The following SLC25A13 variants were observed in gnomAD, a reference collection of about 807,000 sequenced individuals.
The protein encoded by SLC25A13 is solute carrier family 25 member 13, also known as electrogenic aspartate/glutamate antiporter SLC25A13, mitochondrial.
In SLC25A13, 70 loss-of-function variants were observed where a neutral mutation model predicts 85.5. The ratio of observed to expected loss-of-function variants is 0.82; its 90% CI spans 0.68 to 1.00. The LOEUF (loss-of-function observed/expected upper bound fraction) is 1.00. Among genes scored for constraint, SLC25A13 ranks in the 50% least tolerant of loss-of-function variants. The pLI is 0.00. For synonymous variants in SLC25A13, 259 were observed against 288.7 expected (o/e 0.90, Z 1.04); for missense variants, 765 against 819.8 (o/e 0.93, Z 0.82).
At chr7:96,261,854 T>C (rs1210847348) in intron 3 of SLC25A13, among the ~76,000 whole-genome samples, 1 of 152,190 alleles carries the variant, frequency 6.6e-6, no homozygotes, top group Non-Finnish European at 1.5e-5. Flanking sequence ...TGTCCCATGA[T>C]GGAAGGCATC....
chr7:96,280,354 C>A (rs1042130963), intron 2 of SLC25A13, among the ~76,000 whole-genome samples: 1 of 152,086 alleles, frequency 6.6e-6, no homozygotes, highest in African/African-American at 2.4e-5. Flanking sequence ...CCTTGATTTT[C>A]CACAAATGAC....
At chr7:96,138,796 T>C (rs1792400987) in intron 14 of SLC25A13, among the ~76,000 whole-genome samples, 1 of 152,212 alleles carries the variant, frequency 6.6e-6, no homozygotes, top group Non-Finnish European at 1.5e-5. Context: ...TTAAAAAAAT[T>C]GATCATTTGC....
At chr7:96,125,695 T>C (rs1791695156) in intron 15 of SLC25A13, among the ~76,000 whole-genome samples, 1 of 151,892 alleles carries the variant, frequency 6.6e-6, no homozygotes, top group Non-Finnish European at 1.5e-5. Context: ...TACCTGTATC[T>C]TAAATTTTCT....
chr7:96,182,955 C>T (rs1022257498), intron 11 of SLC25A13, among the ~76,000 whole-genome samples: 2 of 152,282 alleles, frequency 1.3e-5, no homozygotes, highest in Non-Finnish European at 2.9e-5. Context: ...ACAGGTAAGG[C>T]GGCCAATTTT....
At chr7:96,190,315 TCTCCTGACCTCATG>T (rs1341383871) in intron 7 of SLC25A13, among the ~76,000 whole-genome samples, 1 of 152,012 alleles carries the variant, frequency 6.6e-6, no homozygotes, top group Non-Finnish European at 1.5e-5. Flanking sequence ...ATCGTCTCAA[TCTCCTGACCTCATG>T]ATCTGCCCGC....
intron 4 of SLC25A13, among the ~76,000 whole-genome samples, chr7:96,212,267 T>C (rs907353594): frequency 3.9e-5 from 6 of 152,124 alleles, no homozygotes; most frequent in African/African-American, 1.4e-4. Flanking sequence ...CTGGCTATTG[T>C]AGGAATGTCA....
At chr7:96,232,621 A>G (rs1011634918) in intron 4 of SLC25A13, among the ~76,000 whole-genome samples, 3 of 147,492 alleles carry the variant, frequency 2.0e-5, no homozygotes, top group Admixed American at 1.4e-4. Flanking sequence ...AAAAAATTTT[A>G]AAAAAAAGGG....
intron 2 of SLC25A13, among the ~76,000 whole-genome samples, chr7:96,294,280 TG>T (rs1799253106): frequency 1.2e-5 from 1 of 81,642 alleles, no homozygotes; most frequent in Admixed American, 1.5e-4. Context: ...GGGCCTGTTG[TG>T]GGGTGGGGGG....
intron 13 of SLC25A13, 96 bp downstream of exon 13, chr7:96,169,949 G>T (rs1305793476): frequency 1.6e-6 from 2 of 1,277,268 alleles, no homozygotes; most frequent in East Asian, 4.6e-5. Flanking sequence ...AGGATCTGTG[G>T]TTAAACAGAA....
At chr7:96,151,468 A>AC (rs1730033356) in intron 13 of SLC25A13, among the ~76,000 whole-genome samples, 1 of 151,962 alleles carries the variant, frequency 6.6e-6, no homozygotes, top group African/African-American at 2.4e-5. Flanking sequence ...ATGGTGACGC[A>AC]CACCTGTAAT....
chr7:96,179,294 T>C (rs773891986), intron 11 of SLC25A13, among the ~76,000 whole-genome samples: 3 of 152,252 alleles, frequency 2.0e-5, no homozygotes, highest in African/African-American at 4.8e-5. Context: ...CTATCTCCCT[T>C]GTTTTAGTCT....
chr7:96,234,944 A>G, intron 3 of SLC25A13, 27 bp from the exon 4 acceptor site: 3 of 1,562,002 alleles, frequency 1.9e-6, no homozygotes, highest in Non-Finnish European at 1.8e-6. Context: ...ACATAAAGCA[A>G]AAGTCAGTAG....
intron 4 of SLC25A13, among the ~76,000 whole-genome samples, chr7:96,230,478 T>A (rs1796502380): frequency 6.6e-6 from 1 of 152,212 alleles, no homozygotes; most frequent in Non-Finnish European, 1.5e-5. Context: ...CAACAAAGTG[T>A]ACTTTAAAAA....
At chr7:96,277,155 A>T (rs1173589489) in intron 3 of SLC25A13, 41 bp downstream of exon 3, 17 of 1,522,658 alleles carry the variant, frequency 1.1e-5, no homozygotes, top group Admixed American at 2.1e-5. Flanking sequence ...AAGCTGTTTC[A>T]AACAAAAAGA....
intron 4 of SLC25A13, among the ~76,000 whole-genome samples, chr7:96,229,502 C>T (rs781727363): frequency 6.6e-6 from 1 of 152,098 alleles, no homozygotes; most frequent in African/African-American, 2.4e-5. Flanking sequence ...GCTCTGGTCC[C>T]CTTCCACGCT....
intron 11 of SLC25A13, 71 bp from the exon 12 acceptor site, chr7:96,171,595 G>C: frequency 7.4e-7 from 1 of 1,347,878 alleles, no homozygotes; most frequent in South Asian, 1.2e-5. Context: ...CAGTTCTACA[G>C]AGGGGATTAC....
intron 2 of SLC25A13, among the ~76,000 whole-genome samples, chr7:96,295,784 C>A (rs1489260815): frequency 1.3e-5 from 2 of 151,818 alleles, no homozygotes; most frequent in Non-Finnish European, 2.9e-5. Flanking sequence ...GTCCTCTTTC[C>A]ATACAACTCA....
At chr7:96,257,487 C>T (rs144419064) in intron 3 of SLC25A13, among the ~76,000 whole-genome samples, 27 of 152,288 alleles carry the variant, frequency 1.8e-4, no homozygotes, top group Non-Finnish European at 3.4e-4. Context: ...AATTCCTGGA[C>T]ACATACATCC....
At chr7:96,195,339 C>T (rs960570868) in intron 5 of SLC25A13, among the ~76,000 whole-genome samples, 11 of 152,304 alleles carry the variant, frequency 7.2e-5, no homozygotes, top group Admixed American at 2.6e-4. Flanking sequence ...CCAGAGTAAA[C>T]CAGTTACCAA....
Sources: gnomAD v4.1 joint callset for allele counts (sites outside exome capture counted in the v4.1 genomes callset) on GRCh38, gnomAD v4.1.1 for gene constraint, MANE v1.5 for transcripts, NCBI Gene and HGNC (gene_info 2026-07-23, HGNC 2026-07-21) for gene names.